Variants in FHAD1 observed in about 807,000 individuals in gnomAD.
FHAD1 encodes the protein forkhead associated phosphopeptide binding domain 1.
Under a neutral mutation model 191.3 loss-of-function variants are expected in FHAD1, and 146 were observed. The ratio of observed to expected loss-of-function variants is 0.76; its 90% CI spans 0.67 to 0.88. The LOEUF (loss-of-function observed/expected upper bound fraction) is 0.88, where lower values mean the gene tolerates loss of function less well. FHAD1 is among the 40% of genes least tolerant of loss of function. The pLI, the probability that FHAD1 is intolerant of heterozygous loss-of-function variation, is 0.00. For synonymous variants in FHAD1, 616 were observed against 672.3 expected, an observed-to-expected ratio of 0.92 and a Z score of 1.29; for missense variants, 1,635 against 1,785.8, an observed-to-expected ratio of 0.92 and a Z score of 1.52.
chr1:15,387,973 G>A (rs138092856), intron 31 of FHAD1, 78 bp from the exon 32 acceptor site: 8 of 726,802 alleles, frequency 1.1e-5, no homozygotes, highest in Middle Eastern at 2.8e-4. Flanking sequence ...AGAAACCTCA[G>A]AGGCCTGTCC....
At chr1:15,392,901 C>A (rs1004244083) in intron 33 of FHAD1, among the ~76,000 whole-genome samples, 3 of 152,042 alleles carry the variant, frequency 2.0e-5, no homozygotes, top group South Asian at 2.1e-4. Flanking sequence ...GGCCACCTAC[C>A]GTGCTAAGCA....
At chr1:15,303,989 CCAAAT>C (rs1370547670) in intron 6 of FHAD1, among the ~76,000 whole-genome samples, 1 of 152,208 alleles carries the variant, frequency 6.6e-6, no homozygotes, top group Admixed American at 6.5e-5. Flanking sequence ...TGGTCTGAAT[CCAAAT>C]CAAGTTTCAT....
chr1:15,246,805 C>T (rs1646096641), upstream of FHAD1, among the ~76,000 whole-genome samples: 1 of 152,102 alleles, frequency 6.6e-6, no homozygotes, highest in Admixed American at 6.5e-5. Context: ...ACCCCACTCC[C>T]AGAGATCCCC....
Position 15,365,842 on chromosome 1 carries a change from T to A in FHAD1, c.3063T>A (p.Ala1021=). The A allele has an allele frequency of 1.3e-6, 2 of 1,551,114 alleles. No individual in the cohort carries two copies. The highest frequency in any genetic ancestry group is 1.7e-6 in the Non-Finnish European group (2 of 1,146,450). Residue 1021 remains alanine (A), a synonymous_variant, in exon 24 of 34, where the codon GCT becomes GCA. Transcript: ENST00000688493. ...AYEHLIDDLL[A]AQKEILSQQE... The stretch of plus-strand genomic sequence containing the variant: ...TGAATTTCAGAGATGACTTATTGGC[T>A]GCTCAGAAGGAAATTCTGTCTCAGC...
chr1:15,340,401 G>A (rs1226329506), intron 15 of FHAD1, among the ~76,000 whole-genome samples: 1 of 152,302 alleles, frequency 6.6e-6, no homozygotes, highest in East Asian at 1.9e-4. Flanking sequence ...CCACCCACTT[G>A]TCTGGGTGTT....
intron 2 of FHAD1, among the ~76,000 whole-genome samples, chr1:15,262,365 G>A (rs1472305511): frequency 2.0e-5 from 3 of 152,146 alleles, no homozygotes; most frequent in African/African-American, 7.2e-5. Context: ...GGGCCATTCT[G>A]CTATTATCTC....
Position 15,329,618 on chromosome 1 carries a change from GT to G in FHAD1, c.1906+79del. 1 of 1,363,682 alleles carries G rather than the reference GT, an allele frequency of 7.3e-7. No homozygotes were observed. Among genetic ancestry groups the G allele is most frequent in the Non-Finnish European group, 1.0e-6 (1 of 981,524 alleles). 84.5% of individuals were successfully genotyped at this position (1,363,682 alleles called of 1,614,324 possible). ...TGAATCTCAGCATGATGGGACATCT[GT>G]TGAGGAAGTCTTCCTGGGTATCTGG... On this transcript the variant is annotated intron_variant, in intron 14 of 33. Transcript: ENST00000688493. The surrounding 1 kb of genome is among the most constrained non-coding windows in gnomAD (Gnocchi z 5.0).
At chr1:15,332,798 GC>G (rs1295828043) in intron 14 of FHAD1, among the ~76,000 whole-genome samples, 3 of 152,216 alleles carry the variant, frequency 2.0e-5, no homozygotes, top group Non-Finnish European at 1.5e-5. Context: ...TTTTAGGCAA[GC>G]ATTCCTCAGA....
At chr1:15,335,917 T>C (rs1683858541) in intron 14 of FHAD1, among the ~76,000 whole-genome samples, 1 of 152,174 alleles carries the variant, frequency 6.6e-6, no homozygotes, top group African/African-American at 2.4e-5. Flanking sequence ...CCTTCCCCTT[T>C]GATTCCTGGG....
chr1:15,288,215 T>G (rs1417896791), intron 3 of FHAD1, among the ~76,000 whole-genome samples: 1 of 152,012 alleles, frequency 6.6e-6, no homozygotes, highest in African/African-American at 2.4e-5. Flanking sequence ...ACACAAAGGG[T>G]CATGGTGAGG....
At chr1:15,307,053 C>G (rs1201686639) in intron 6 of FHAD1, among the ~76,000 whole-genome samples, 1 of 152,190 alleles carries the variant, frequency 6.6e-6, no homozygotes, top group Non-Finnish European at 1.5e-5. Flanking sequence ...AGGTTGTACC[C>G]TGCAAAGCCA....
chr1:15,362,740 G>C lies in FHAD1; in HGVS notation c.3047+14G>C, dbSNP rs1438480669. ...CGAACATCTGATGTGAGTACCCGTG[G>C]GTGTGTGAGCGCCAGGCATTCTCAC... is the stretch of plus-strand genomic sequence containing the variant. On this transcript the variant is annotated intron_variant, in intron 23 of 33. Transcript: ENST00000688493. 1 of 1,548,352 alleles carries C rather than the reference G, an allele frequency of 6.5e-7. No individual in the cohort carries two copies. The highest frequency in any genetic ancestry group is 8.7e-7 in the Non-Finnish European group (1 of 1,144,064).
chr1:15,272,077 A>G (rs866405105), intron 2 of FHAD1, among the ~76,000 whole-genome samples: 4 of 152,204 alleles, frequency 2.6e-5, no homozygotes, highest in Non-Finnish European at 4.4e-5. Flanking sequence ...TCCCCACTCA[A>G]CAACTTAGGT....
At chr1:15,259,755 G>A (rs922228785) in intron 2 of FHAD1, among the ~76,000 whole-genome samples, 2 of 152,174 alleles carry the variant, frequency 1.3e-5, no homozygotes, top group African/African-American at 4.8e-5. Context: ...TGAGGGCTGC[G>A]TGGATGACCC....
intron 5 of FHAD1, among the ~76,000 whole-genome samples, chr1:15,299,866 C>T (rs867241813): frequency 6.6e-6 from 1 of 152,200 alleles, no homozygotes; most frequent in African/African-American, 2.4e-5. Context: ...TTGAGGCTGT[C>T]CTTTGAAATG....
At position 15,369,389 on chromosome 1, in the gene FHAD1, A is replaced by C; in HGVS notation, c.3334A>C (p.Arg1112=). ...CCCTAGGGCTTCCCAAGAGAAACAC[A>C]GACTCCAGCTGAACACAGAGAAGGA... is the stretch of plus-strand genomic sequence containing the variant. The part of the protein sequence containing the change: ...EALRASQEKH[R]LQLNTEKEQK... The change falls in exon 26 of 34, where the codon AGA becomes CGA. Residue 1112 remains arginine (R), a synonymous_variant. Transcript: ENST00000688493. 1 of 1,552,066 alleles carries C rather than the reference A, an allele frequency of 6.4e-7. No individual in the cohort carries two copies. The highest frequency in any genetic ancestry group is 2.4e-5 in the East Asian group (1 of 40,918).
downstream of FHAD1, among the ~76,000 whole-genome samples, chr1:15,399,080 C>T (rs1296537253): frequency 1.3e-5 from 2 of 152,116 alleles, no homozygotes; most frequent in African/African-American, 4.8e-5. Flanking sequence ...CCTTGGCGTC[C>T]CAAAGTGATG....
At position 15,272,311 on chromosome 1, in the gene FHAD1, T is replaced by C; in HGVS notation, c.94-12T>C. ...TTTTCATGGCTACGACTGTCCTCCT[T>C]CTCCGTTGCAGTCTCCTGACATCGA... On this transcript the variant is annotated splice_polypyrimidine_tract_variant and intron_variant, in intron 2 of 33. Coordinates refer to ENST00000688493, the MANE Select transcript of FHAD1 (RefSeq NM_001391957.1). 1.3e-6 allele frequency: 2 copies of C among 1,544,762 alleles called. No individual in the cohort carries two copies. Among genetic ancestry groups the C allele is most frequent in the Non-Finnish European group, 1.8e-6 (2 of 1,140,988 alleles).
At position 15,292,541 on chromosome 1, in the gene FHAD1, GC is replaced by G. The variant is rs386628812; in HGVS notation, c.568+2877del. Among the ~76,000 whole-genome samples the G allele has an allele frequency of 6.8e-3, 1,039 of 152,288 alleles. 15 individuals are homozygous for G. Among genetic ancestry groups the G allele is most frequent in the African/African-American group, 0.024 (979 of 41,540 alleles). On this transcript the variant is annotated intron_variant, in intron 4 of 33. Transcript: ENST00000688493. ...GTAGAGACGAGTTTTCACCATGTTA[GC>G]CAGGCTGGTCTCAACCTCCTGACCT...
Sources: allele counts gnomAD v4.1 joint callset (sites outside exome capture counted in the v4.1 genomes callset), GRCh38; gene constraint gnomAD v4.1.1; non-coding constraint Gnocchi (gnomAD v3.1); transcripts MANE v1.5; gene names NCBI Gene and HGNC (gene_info 2026-07-23, HGNC 2026-07-21).